NPC1: variants seen among roughly 807,000 people sequenced by gnomAD.
NPC1 encodes NPC intracellular cholesterol transporter 1.
A neutral mutation model predicts 140.4 loss-of-function variants in NPC1; 85 were observed. The observed-to-expected ratio is 0.61, with a 90% confidence interval of 0.51 to 0.72. NPC1 has a LOEUF of 0.72. Ranked by LOEUF, NPC1 falls within the 30% of genes least tolerant of loss-of-function variation. The pLI, the probability that NPC1 is intolerant of heterozygous loss-of-function variation, is 0.00. For missense variants in NPC1, 1,504 were observed against 1,623.8 expected, an observed-to-expected ratio of 0.93 and a Z score of 1.27; for synonymous variants, 656 against 624.8, an observed-to-expected ratio of 1.05 and a Z score of -0.74.
At chr18:23,563,986 A>AATTTT (rs1567972936) in intron 4 of NPC1, among the ~76,000 whole-genome samples, 1 of 56,682 alleles carries the variant, frequency 1.8e-5, no homozygotes, top group Non-Finnish European at 3.3e-5. Flanking sequence ...GAGTAGTAAG[A>AATTTT]GTTTTTTTTT....
At chr18:23,530,132 G>T, downstream of NPC1, 1 of 1,613,858 alleles carries the variant, frequency 6.2e-7, no homozygotes, top group South Asian at 1.1e-5. Context: ...CCAAACCTTT[G>T]GTATGCATTG....
intron 3 of NPC1, among the ~76,000 whole-genome samples, chr18:23,571,775 G>A (rs1388298501): frequency 6.6e-6 from 1 of 151,954 alleles, no homozygotes; most frequent in African/African-American, 2.4e-5. Context: ...GGAAGTTTAA[G>A]CTGCAGTGAG....
chr18:23,563,976 G>C (rs1444719872), intron 4 of NPC1, among the ~76,000 whole-genome samples: 1 of 143,096 alleles, frequency 7.0e-6, no homozygotes, highest in Non-Finnish European at 1.5e-5. Context: ...ATTTATCATT[G>C]AGTAGTAAGA....
chr18:23,529,324 T>C, downstream of NPC1: 2 of 1,596,526 alleles, frequency 1.3e-6, no homozygotes, highest in Non-Finnish European at 1.7e-6. Context: ...CCGCCTCTTC[T>C]GGACTGAGAA....
chr18:23,520,208 G>C, downstream of NPC1: 1 of 1,612,906 alleles, frequency 6.2e-7, no homozygotes, highest in Non-Finnish European at 8.5e-7. Context: ...CCAGACATCG[G>C]TAATATTCGA....
intron 11 of NPC1, among the ~76,000 whole-genome samples, 179 bp from the exon 12 acceptor site, chr18:23,545,328 C>T (rs2058774091): frequency 6.6e-6 from 1 of 152,176 alleles, no homozygotes; most frequent in African/African-American, 2.4e-5. Context: ...CTCCAAGCTC[C>T]ACCTCCCGGG....
intron 1 of NPC1, among the ~76,000 whole-genome samples, chr18:23,580,727 C>G (rs915499452): frequency 6.6e-6 from 1 of 152,192 alleles, no homozygotes; most frequent in African/African-American, 2.4e-5. Flanking sequence ...CTCCAGAGAG[C>G]AGAGGCTGGC....
rs531000417 is a variant in NPC1 at position 23,535,649 on chromosome 18, G to T, written c.3297C>A (p.Ile1099=). ...CGCCCAGGGACACACCGAGGTTGAAGATAGTGTCGTCAATGATGGTCAGGT... is the reference window on the plus strand; with the variant it reads ...CGCCCAGGGACACACCGAGGTTGAATATAGTGTCGTCAATGATGGTCAGGT... ...EQYLTIIDDT[I]FNLGVSLGAI... is the part of the protein sequence containing the mutation. The change falls in exon 22 of 25, where the codon ATC becomes ATA. Residue 1099 remains isoleucine, a synonymous_variant. Transcript: ENST00000269228. 2 of 1,614,150 alleles carry T rather than the reference G, an allele frequency of 1.2e-6. No individual in the cohort carries two copies. Among genetic ancestry groups the T allele is most frequent in the Admixed American group, 3.3e-5 (2 of 60,024 alleles).
chr18:23,576,870 G>A (rs966026586), intron 1 of NPC1: 1 of 154,544 alleles, frequency 6.5e-6, no homozygotes, highest in African/African-American at 2.4e-5. Flanking sequence ...GACCCAAAGA[G>A]TGAGCAGTAG....
Position 23,531,770 on chromosome 18 carries a change from TTAAAC to T in NPC1, c.*427_*431del, listed in dbSNP as rs900897543. ...TAATTTATTGCATTAATAAAGCTCTTTAAACTATAAAATGTTATAAAGTGTATCTA... is the reference window on the plus strand; with the variant it reads ...TAATTTATTGCATTAATAAAGCTCTTTATAAAATGTTATAAAGTGTATCTA... On this transcript the variant is annotated 3_prime_UTR_variant, in exon 25 of 25. Coordinates refer to ENST00000269228, the MANE Select transcript of NPC1 (RefSeq NM_000271.5). 54 of 1,576,428 alleles carry T rather than the reference TTAAAC, an allele frequency of 3.4e-5. No homozygotes were observed. In the East Asian group the frequency reaches 4.7e-4, roughly 14 times the overall value.
rs1398198706 is a variant in NPC1 at position 23,586,258 on chromosome 18, G to C, written c.57+29C>G. 5 of 1,531,082 alleles carry C rather than the reference G, an allele frequency of 3.3e-6. No individual in the cohort carries two copies. In the South Asian group the frequency reaches 6.0e-5, roughly 18 times the overall value. 94.8% of individuals were successfully genotyped at this position (1,531,082 alleles called of 1,614,324 possible). A position where few individuals can be genotyped will look rare whatever the true frequency, so the allele number is the denominator to read the frequency against. On this transcript the variant is annotated intron_variant, in intron 1 of 24. Transcript: ENST00000269228. ...CTCTCGGCCCCGCCACGTCCCCACAGGGCGTCCCGGTGGCCGGCGACCGCT... is the reference window on the plus strand; with the variant it reads ...CTCTCGGCCCCGCCACGTCCCCACACGGCGTCCCGGTGGCCGGCGACCGCT...
intron 4 of NPC1, among the ~76,000 whole-genome samples, chr18:23,563,120 TATA>T (rs1219285215): frequency 6.6e-6 from 1 of 152,180 alleles, no homozygotes; most frequent in Admixed American, 6.5e-5. Flanking sequence ...AATCCAATCA[TATA>T]ATATGTGGTC....
downstream of NPC1, chr18:23,520,300 G>T: frequency 6.2e-7 from 1 of 1,613,692 alleles, no homozygotes. Flanking sequence ...AGCCCTATCA[G>T]ATCCCCATCA....
At position 23,566,597 on chromosome 18, in the gene NPC1, TACAC is replaced by T. The variant is rs113221621; in HGVS notation, c.463+2222_463+2225del. ...CGTCTCTTCCAAAAAATAAAATACT[TACAC>T]ACACACACACACTCTATAGATTCAG... On this transcript the variant is annotated intron_variant, in intron 4 of 24. Coordinates refer to ENST00000269228, the MANE Select transcript of NPC1 (RefSeq NM_000271.5). Among the ~76,000 whole-genome samples the T allele has an allele frequency of 2.6e-4, 36 of 136,976 alleles. No homozygotes were observed. In the East Asian group the frequency reaches 3.7e-3, roughly 14 times the overall value. The allele number at this position is 136,976 out of a possible 152,430, so 89.9% of individuals were successfully genotyped here. A position where few individuals can be genotyped will look rare whatever the true frequency, so the allele number is the denominator to read the frequency against.
At position 23,535,194 on chromosome 18, in the gene NPC1, C is replaced by T. The variant is rs2058609271; in HGVS notation, c.3477+275G>A. The stretch of plus-strand genomic sequence containing the variant: ...GGCACCATCAGGTATACTAGTATAG[C>T]CGCAAGGAATGGGACAAGAGAAAAA... On this transcript the variant is annotated intron_variant, in intron 22 of 24. Coordinates refer to ENST00000269228, the MANE Select transcript of NPC1 (RefSeq NM_000271.5). Among the ~76,000 whole-genome samples the T allele has an allele frequency of 2.0e-5, 3 of 152,106 alleles. No homozygotes were observed. In the South Asian group the frequency reaches 6.2e-4, roughly 32 times the overall value.
At chr18:23,534,703 C>T (rs886761305) in intron 22 of NPC1, 144 bp from the exon 23 acceptor site, 12 of 711,038 alleles carry the variant, frequency 1.7e-5, no homozygotes, top group South Asian at 3.0e-5. Context: ...TACAAGGCCT[C>T]CATCACACCA....
At chr18:23,585,069 T>C (rs2059400693) in intron 1 of NPC1, among the ~76,000 whole-genome samples, 1 of 152,094 alleles carries the variant, frequency 6.6e-6, no homozygotes, top group South Asian at 2.1e-4. Context: ...ATTTTAAAAA[T>C]AAATTTTAAA....
At chr18:23,521,707 T>C (rs928776376), downstream of NPC1, among the ~76,000 whole-genome samples, 1 of 151,606 alleles carries the variant, frequency 6.6e-6, no homozygotes, top group Non-Finnish European at 1.5e-5. Flanking sequence ...TTTTTTTTTT[T>C]CCTTAAACAG....
At chr18:23,526,799 A>G (rs55897831), downstream of NPC1, 2,047 of 1,609,890 alleles carry the variant, frequency 1.3e-3, 31 homozygotes, top group African/African-American at 0.024. Flanking sequence ...CTCTGATTCC[A>G]GTGTGAGGCC....
Sources: gnomAD v4.1 joint callset for allele counts (sites outside exome capture counted in the v4.1 genomes callset) on GRCh38, gnomAD v4.1.1 for gene constraint, MANE v1.5 for transcripts, NCBI Gene and HGNC (gene_info 2026-07-23, HGNC 2026-07-21) for gene names.